Variants in RIMS2 observed in about 807,000 individuals in gnomAD.
The protein encoded by RIMS2 is regulating synaptic membrane exocytosis 2, also known as regulating synaptic membrane exocytosis protein 2.
A neutral mutation model predicts 174.4 loss-of-function variants in RIMS2; 59 were observed. That is an observed-to-expected ratio of 0.34 (90% CI 0.27 to 0.42). The LOEUF (loss-of-function observed/expected upper bound fraction) is 0.42. Ranked by LOEUF, RIMS2 falls within the 10% of genes least tolerant of loss-of-function variation. RIMS2 has a pLI of 1.00. For missense variants in RIMS2, 1,620 were observed against 1,666.3 expected, an observed-to-expected ratio of 0.97 and a Z score of 0.48; for synonymous variants, 606 against 572.5, an observed-to-expected ratio of 1.06 and a Z score of -0.84.
In RIMS2 at chr8:104,117,635, C is replaced by G. The variant is rs923278894; in HGVS notation, c.3334+103020C>G. Among the ~76,000 whole-genome samples the G allele has an allele frequency of 2.6e-5, 4 of 152,146 alleles. No individual in the cohort carries two copies. In the East Asian group the frequency reaches 7.7e-4, roughly 29 times the overall value. On this transcript the variant is annotated intron_variant, in intron 19 of 23. Coordinates refer to ENST00000504942, the Ensembl canonical transcript of RIMS2. ...GGGATTACAGGCATGACCTACCACA[C>G]CTAGCCAAAAATTTATCTTTAAAAT...
intron 1 of RIMS2, among the ~76,000 whole-genome samples, chr8:103,683,344 A>C (rs1180027291): frequency 6.6e-6 from 1 of 152,130 alleles, no homozygotes; most frequent in African/African-American, 2.4e-5. Context: ...AAAATGAATA[A>C]AGCCAGAGTC....
At chr8:103,744,203 G>A (rs1055308022) in intron 2 of RIMS2, among the ~76,000 whole-genome samples, 4 of 151,992 alleles carry the variant, frequency 2.6e-5, no homozygotes, top group African/African-American at 4.8e-5. Flanking sequence ...GCGCCACCAC[G>A]CCTAGCTAAT....
At chr8:103,992,374 C>G (rs1030791293) in intron 17 of RIMS2, among the ~76,000 whole-genome samples, 2 of 150,538 alleles carry the variant, frequency 1.3e-5, no homozygotes, top group African/African-American at 4.9e-5. Context: ...GATCCACCTG[C>G]CTGGGTATCC....
At chr8:103,924,052 T>TA (rs1370246843) in intron 10 of RIMS2, among the ~76,000 whole-genome samples, 1 of 151,726 alleles carries the variant, frequency 6.6e-6, no homozygotes, top group East Asian at 1.9e-4. Context: ...GTTTCTAACT[T>TA]ATATTTTTAT....
intron 3 of RIMS2, among the ~76,000 whole-genome samples, chr8:103,791,913 T>G (rs2098502701): frequency 6.6e-6 from 1 of 152,132 alleles, no homozygotes; most frequent in South Asian, 2.1e-4. Flanking sequence ...TCGCCCAGAT[T>G]CATAAAGCAA....
intron 2 of RIMS2, among the ~76,000 whole-genome samples, chr8:103,704,715 G>C (rs1413656717): frequency 6.6e-6 from 1 of 151,992 alleles, no homozygotes; most frequent in Non-Finnish European, 1.5e-5. Flanking sequence ...TATGTGTCTA[G>C]AAATGTATCC....
At chr8:103,790,826 A>G (rs548515953) in intron 3 of RIMS2, among the ~76,000 whole-genome samples, 12 of 152,326 alleles carry the variant, frequency 7.9e-5, no homozygotes, top group Non-Finnish European at 1.2e-4. Flanking sequence ...TTATGATTTT[A>G]TGTTTACATT....
intron 2 of RIMS2, among the ~76,000 whole-genome samples, chr8:103,744,043 G>GTTGT (rs773681932): frequency 4.6e-5 from 7 of 151,924 alleles, no homozygotes; most frequent in East Asian, 3.9e-4. Context: ...ATTTTTTGTT[G>GTTGT]TTGTTTGTTT....
At chr8:103,896,675 T>C (rs911006092) in intron 4 of RIMS2, among the ~76,000 whole-genome samples, 1 of 151,656 alleles carries the variant, frequency 6.6e-6, no homozygotes, top group Non-Finnish European at 1.5e-5. Context: ...AGGTTAACAC[T>C]GGTGGAATTT....
At chr8:103,756,874 C>G (rs545787580) in intron 2 of RIMS2, among the ~76,000 whole-genome samples, 1 of 152,018 alleles carries the variant, frequency 6.6e-6, no homozygotes, top group Non-Finnish European at 1.5e-5. Context: ...AATATTTTGG[C>G]TGTAGATTTT....
chr8:104,229,159 T>C (rs557381167), intron 19 of RIMS2, among the ~76,000 whole-genome samples: 4 of 152,344 alleles, frequency 2.6e-5, no homozygotes, highest in South Asian at 2.1e-4. Context: ...AAACATCTTA[T>C]ATATAATGAC....
chr8:103,895,173 G>GT (rs571241543), intron 4 of RIMS2, among the ~76,000 whole-genome samples: 87,244 of 137,736 alleles, frequency 0.63, 27,760 homozygotes, highest in Non-Finnish European at 0.68. Context: ...CTTTGACAAG[G>GT]TTTTTTTTTT....
At chr8:104,034,548 G>A (rs2096472868) in intron 19 of RIMS2, among the ~76,000 whole-genome samples, 1 of 141,294 alleles carries the variant, frequency 7.1e-6, no homozygotes, top group Non-Finnish European at 1.5e-5. Context: ...TCGGCTCACT[G>A]TAGCCTCCAC....
chr8:103,875,120 T>G (rs561132673), intron 3 of RIMS2, among the ~76,000 whole-genome samples: 1 of 152,146 alleles, frequency 6.6e-6, no homozygotes, highest in South Asian at 2.1e-4. Context: ...GAGATTAAAT[T>G]TTTTTATTTC....
chr8:103,864,747 G>A (rs2099076439), intron 3 of RIMS2, among the ~76,000 whole-genome samples: 1 of 152,084 alleles, frequency 6.6e-6, no homozygotes, highest in African/African-American at 2.4e-5. Flanking sequence ...TAATAGATCA[G>A]TAAACTGAAG....
intron 3 of RIMS2, among the ~76,000 whole-genome samples, chr8:103,780,180 A>G (rs1035030812): frequency 6.6e-6 from 1 of 151,952 alleles, no homozygotes; most frequent in African/African-American, 2.4e-5. Flanking sequence ...TCCTCTCTTT[A>G]TCCTTTACCT....
intron 19 of RIMS2, among the ~76,000 whole-genome samples, chr8:104,101,022 A>AATATATGTTATATATTATATTATATATT (rs2097880203): frequency 2.1e-5 from 3 of 140,218 alleles, no homozygotes; most frequent in Non-Finnish European, 3.1e-5. Flanking sequence ...TTACATATGT[A>AATATATGTTATATATTATATTATATATT]ATATATGTTA....
intron 1 of RIMS2, among the ~76,000 whole-genome samples, chr8:103,623,989 G>C (rs2095711731): frequency 6.6e-6 from 1 of 152,040 alleles, no homozygotes; most frequent in Non-Finnish European, 1.5e-5. Flanking sequence ...ATCCAGAATA[G>C]ACTAAGTTAA....
At chr8:103,651,499 GT>G (rs2096452222) in intron 1 of RIMS2, among the ~76,000 whole-genome samples, 1 of 152,186 alleles carries the variant, frequency 6.6e-6, no homozygotes, top group Non-Finnish European at 1.5e-5. Context: ...TTAGAAAGTA[GT>G]TTTTTCTATA....
Sources: allele counts gnomAD v4.1 joint callset (sites outside exome capture counted in the v4.1 genomes callset), GRCh38; gene constraint gnomAD v4.1.1; transcripts MANE v1.5; gene names NCBI Gene and HGNC (gene_info 2026-07-23, HGNC 2026-07-21).